Variants in ATRIP observed in about 807,000 individuals in gnomAD.
The protein encoded by ATRIP is ATR interacting protein, also known as ATR-interacting protein.
In ATRIP, 44 loss-of-function variants were observed where a neutral mutation model predicts 78.1. The observed-to-expected ratio is 0.56, with a 90% CI of 0.44 to 0.72. The LOEUF (loss-of-function observed/expected upper bound fraction) is 0.72, where lower values mean the gene tolerates loss of function less well. Among genes scored for constraint, ATRIP ranks in the 30% least tolerant of loss-of-function variants. The pLI, the probability that ATRIP is intolerant of heterozygous loss-of-function variation, is 0.00. For synonymous variants in ATRIP, 388 were observed against 408.9 expected (o/e 0.95, Z 0.62); for missense variants, 927 against 980.2 (o/e 0.95, Z 0.72).
At chr3:48,455,582 C>G (rs767453734) in intron 4 of ATRIP, among the ~76,000 whole-genome samples, 1 of 151,850 alleles carries the variant, frequency 6.6e-6, no homozygotes, top group Non-Finnish European at 1.5e-5. Context: ...CTCCACCTCC[C>G]GGGTTCAAGT....
At chr3:48,448,145 G>A (rs1227232918) in intron 1 of ATRIP, among the ~76,000 whole-genome samples, 1 of 146,944 alleles carries the variant, frequency 6.8e-6, no homozygotes, top group Non-Finnish European at 1.5e-5. Flanking sequence ...GTCTTACACA[G>A]ATATACGTGA....
At chr3:48,453,688 A>G (rs1449473954) in intron 3 of ATRIP, among the ~76,000 whole-genome samples, 1 of 152,136 alleles carries the variant, frequency 6.6e-6, no homozygotes, top group African/African-American at 2.4e-5. Context: ...AACTATTCCA[A>G]CTACTCTGCC....
chr3:48,459,504 T>C (rs1237450648), intron 6 of ATRIP, 50 bp downstream of exon 6: 2 of 1,550,208 alleles, frequency 1.3e-6, no homozygotes, highest in Admixed American at 1.7e-5. Flanking sequence ...CTCTGAGTAA[T>C]ATGCAGAAGA....
At position 48,446,972 on chromosome 3, in the gene ATRIP, C is replaced by A. The variant is rs547105412; in HGVS notation, c.127C>A (p.Pro43Thr). 29 of 1,566,026 alleles carry A rather than the reference C, an allele frequency of 1.9e-5. No homozygotes were observed. The African/African-American group carries it at 3.2e-4, about 18-fold the overall frequency. ...CCGGGGCTTCTCCGCAGCCGCTGCC[C>A]CGGACCCTGACGACCCGTTCGGCGC... is the stretch of plus-strand genomic sequence containing the variant. ...RARGFSAAAAPDPDDPFGAHG... is the reference protein window; with the variant it reads ...RARGFSAAAATDPDDPFGAHG... The change falls in exon 1 of 13, where the codon CCG (proline) becomes ACG (threonine). Residue 43 changes from proline (P) to threonine (T), a missense_variant. Coordinates refer to ENST00000320211, the MANE Select transcript of ATRIP (RefSeq NM_130384.3).
Position 48,464,134 on chromosome 3 carries a change from TAAA to T in ATRIP, c.1974+5_1974+7del, listed in dbSNP as rs758555823. On this transcript the variant is annotated splice_donor_5th_base_variant and intron_variant, in intron 10 of 12. Transcript: ENST00000320211. ...CAATGGCTCCAGCTGGAACAAGAGG[TAAA>T]AACTCCAGAGCCCCTTCTGGACACT... The T allele has an allele frequency of 5.0e-6, 8 of 1,611,016 alleles. No individual in the cohort carries two copies. In the African/African-American group the frequency reaches 5.3e-5, roughly 11 times the overall value.
rs1338939663 is a variant in ATRIP at position 48,467,364 on chromosome 3, G to A, written c.*1810G>A. 6.2e-7 allele frequency: 1 copy of A among 1,614,170 alleles called. No individual in the cohort carries two copies. On this transcript the variant is annotated 3_prime_UTR_variant, in exon 13 of 13. Coordinates refer to ENST00000320211, the MANE Select transcript of ATRIP (RefSeq NM_130384.3). ...CATCAGGCCCATGTATGGGGTCACA[G>A]CCTCTGCTAGGACCAAGCCAAGACC...
In ATRIP at chr3:48,460,131, C is replaced by T; in HGVS notation, c.1077C>T (p.Gly359=). The stretch of plus-strand genomic sequence containing the variant: ...CCAGTACCTTGGCTGGAATGTCAGG[C>T]CTCAGGACCACAGGTTCTTATGATG... ...GFGSTLAGMS[G]LRTTGSYDGS... Residue 359 remains glycine, a synonymous_variant, in exon 8 of 13, where the codon GGC becomes GGT. Coordinates refer to ENST00000320211, the MANE Select transcript of ATRIP (RefSeq NM_130384.3). The T allele has an allele frequency of 6.2e-7, 1 of 1,612,516 alleles. No individual in the cohort carries two copies. The highest frequency in any genetic ancestry group is 8.5e-7 in the Non-Finnish European group (1 of 1,179,374).
chr3:48,466,807 A>G lies in ATRIP; in HGVS notation c.*1253A>G. ...GCCCTGGAGAGCCCCCCCACCTCTC[A>G]GGGGCCACCTCCCACAGTTCCTCCA... On this transcript the variant is annotated 3_prime_UTR_variant, in exon 13 of 13. Coordinates refer to ENST00000320211, the MANE Select transcript of ATRIP (RefSeq NM_130384.3). 1 of 1,613,800 alleles carries G rather than the reference A, an allele frequency of 6.2e-7. No individual in the cohort carries two copies. Among genetic ancestry groups the G allele is most frequent in the African/African-American group, 1.3e-5 (1 of 74,992 alleles).
chr3:48,466,676 C>A lies in ATRIP; in HGVS notation c.*1122C>A, dbSNP rs761094995. 1 of 1,614,078 alleles carries A rather than the reference C, an allele frequency of 6.2e-7. No individual in the cohort carries two copies. Among genetic ancestry groups the A allele is most frequent in the Non-Finnish European group, 8.5e-7 (1 of 1,180,008 alleles). The stretch of plus-strand genomic sequence containing the variant: ...CAACCATGGGCTCGCAGGCCCTGCC[C>A]CCGGGGCCCATGCAGACCCTCATCT... On this transcript the variant is annotated 3_prime_UTR_variant, in exon 13 of 13. Coordinates refer to ENST00000320211, the MANE Select transcript of ATRIP (RefSeq NM_130384.3).
chr3:48,460,307 A>C lies in ATRIP; in HGVS notation c.1253A>C (p.His418Pro). 6.2e-7 allele frequency: 1 copy of C among 1,613,928 alleles called. No homozygotes were observed. Among genetic ancestry groups the C allele is most frequent in the Non-Finnish European group, 8.5e-7 (1 of 1,179,940 alleles). ...CTCTGCCAGCTTCCTGGAGCCGTGC[A>C]TTTCCTCCCCCTTGTACAGTTCTTC... is the stretch of plus-strand genomic sequence containing the variant. ...FPLCQLPGAVHFLPLVQFFIG... is the reference protein window; with the variant it reads ...FPLCQLPGAVPFLPLVQFFIG... The change falls in exon 8 of 13, where the codon CAT (histidine) becomes CCT (proline). Residue 418 changes from histidine to proline, a missense_variant. By Grantham distance (77) the His-to-Pro change is moderately conservative (BLOSUM62 -2). Coordinates refer to ENST00000320211, the MANE Select transcript of ATRIP (RefSeq NM_130384.3).
At chr3:48,448,709 C>CT (rs551483551) in intron 1 of ATRIP, among the ~76,000 whole-genome samples, 62 of 152,352 alleles carry the variant, frequency 4.1e-4, no homozygotes, top group African/African-American at 1.5e-3. Flanking sequence ...TTCATTTCCA[C>CT]TCATCTGGTT....
chr3:48,457,260 C>T lies in ATRIP; in HGVS notation c.673C>T (p.Pro225Ser). ...GCTTTCATAGTTAACTTTTTCCAGT[C>T]CTAGGAAAAACCCTTCTGTGGTTAT... ...LAAPSVSHVSPRKNPSVVIKP... is the reference protein window; with the variant it reads ...LAAPSVSHVSSRKNPSVVIKP... The change falls in exon 5 of 13, where the codon CCT becomes TCT. Residue 225 changes from proline (P) to serine (S), a missense_variant and splice_region_variant. Coordinates refer to ENST00000320211, the MANE Select transcript of ATRIP (RefSeq NM_130384.3). 1.3e-6 allele frequency: 2 copies of T among 1,564,996 alleles called. No individual in the cohort carries two copies. Among genetic ancestry groups the T allele is most frequent in the South Asian group, 1.2e-5 (1 of 81,756 alleles).
In ATRIP at chr3:48,465,662, T is replaced by A; in HGVS notation, c.*108T>A. 2 of 1,182,876 alleles carry A rather than the reference T, an allele frequency of 1.7e-6. No individual in the cohort carries two copies. The highest frequency in any genetic ancestry group is 1.2e-6 in the Non-Finnish European group (1 of 817,696). The allele number at this position is 1,182,876 out of a possible 1,614,324, so 73.3% of individuals were successfully genotyped here. A position where few individuals can be genotyped will look rare whatever the true frequency, so the allele number is the denominator to read the frequency against. On this transcript the variant is annotated 3_prime_UTR_variant, in exon 13 of 13. Coordinates refer to ENST00000320211, the MANE Select transcript of ATRIP (RefSeq NM_130384.3). The stretch of plus-strand genomic sequence containing the variant: ...GAACTGCCCAGAGAACTGGCTGGCC[T>A]TGTTTCCTGAGTCTGATCTGTTTGG...
intron 11 of ATRIP, 39 bp downstream of exon 11, chr3:48,464,701 TA>T (rs1406644643): frequency 2.5e-6 from 4 of 1,613,490 alleles, no homozygotes; most frequent in Non-Finnish European, 3.4e-6. Flanking sequence ...GCTCTGGTGG[TA>T]AGGGGGCCCC....
chr3:48,451,642 C>A, intron 2 of ATRIP, 87 bp from the exon 3 acceptor site: 1 of 1,154,346 alleles, frequency 8.7e-7, no homozygotes, highest in Non-Finnish European at 1.2e-6. Context: ...CCTGTGCTTT[C>A]TCCATCTCCC....
chr3:48,466,185 G>A lies in ATRIP; in HGVS notation c.*631G>A, dbSNP rs1185808459. 1.1e-5 allele frequency: 6 copies of A among 524,662 alleles called. No individual in the cohort carries two copies. Among genetic ancestry groups the A allele is most frequent in the Admixed American group, 3.2e-5 (1 of 31,494 alleles). 32.5% of individuals were successfully genotyped at this position (524,662 alleles called of 1,614,324 possible). ...GACCAGGCAGGCTGACGAGCAGGGCGGGCCTGGCTCACGTGGGCCTGTAGG... is the reference window on the plus strand; with the variant it reads ...GACCAGGCAGGCTGACGAGCAGGGCAGGCCTGGCTCACGTGGGCCTGTAGG... On this transcript the variant is annotated 3_prime_UTR_variant, in exon 13 of 13. Transcript: ENST00000320211.
chr3:48,460,303 G>A lies in ATRIP; in HGVS notation c.1249G>A (p.Val417Met), dbSNP rs755151773. ...CCCACTCTGCCAGCTTCCTGGAGCC[G>A]TGCATTTCCTCCCCCTTGTACAGTT... is the stretch of plus-strand genomic sequence containing the variant. ...AFPLCQLPGAVHFLPLVQFFI... is the reference protein window; with the variant it reads ...AFPLCQLPGAMHFLPLVQFFI... The change falls in exon 8 of 13, where the codon GTG (valine) becomes ATG (methionine). Residue 417 changes from valine (V) to methionine (M), a missense_variant. Transcript: ENST00000320211. The A allele has an allele frequency of 1.1e-5, 18 of 1,613,906 alleles. No homozygotes were observed. The highest frequency in any genetic ancestry group is 4.4e-5 in the South Asian group (4 of 91,046).
At chr3:48,460,935 C>G (rs1454900352) in intron 8 of ATRIP, 136 bp downstream of exon 8, 43 of 880,820 alleles carry the variant, frequency 4.9e-5, no homozygotes, top group Non-Finnish European at 6.5e-5. Context: ...TCAGGGAGTT[C>G]TGAAGTGATG....
At position 48,451,870 on chromosome 3, in the gene ATRIP, A is replaced by C; in HGVS notation, c.523A>C (p.Ser175Arg). The C allele has an allele frequency of 6.2e-7, 1 of 1,608,072 alleles. No individual in the cohort carries two copies. The highest frequency in any genetic ancestry group is 8.5e-7 in the Non-Finnish European group (1 of 1,176,972). The change falls in exon 3 of 13, where the codon AGT (serine) becomes CGT (arginine). Residue 175 changes from serine (S) to arginine (R), a missense_variant. By Grantham distance (110) the Ser-to-Arg change is moderately radical (BLOSUM62 -1). Transcript: ENST00000320211. ...TGAGCAAGAGAAAACCCAAGCACTC[A>C]GTGACAAGGAAAAGGAATTCTCCAA... ...LLEQEKTQAL[S>R]DKEKEFSKKL... is the part of the protein sequence containing the mutation.
Sources: gnomAD v4.1 joint callset for allele counts (sites outside exome capture counted in the v4.1 genomes callset) on GRCh38, gnomAD v4.1.1 for gene constraint, MANE v1.5 for transcripts, NCBI Gene and HGNC (gene_info 2026-07-23, HGNC 2026-07-21) for gene names.